The following LTBP1 variants were observed in gnomAD, a reference collection of about 807,000 sequenced individuals.
LTBP1 encodes latent-transforming growth factor beta-binding protein 1.
LTBP1 carries 129 observed loss-of-function variants against 207.6 expected under a neutral mutation model. The observed-to-expected ratio is 0.62, with a 90% CI of 0.54 to 0.72. The LOEUF (loss-of-function observed/expected upper bound fraction) is 0.72, where lower values mean the gene tolerates loss of function less well. Ranked by LOEUF, LTBP1 falls within the 30% of genes least tolerant of loss-of-function variation. The pLI, the probability that LTBP1 is intolerant of heterozygous loss-of-function variation, is 0.00. For missense variants in LTBP1, 2,281 were observed against 2,217.2 expected, an observed-to-expected ratio of 1.03 and a Z score of -0.58; for synonymous variants, 963 against 833.7, an observed-to-expected ratio of 1.16 and a Z score of -2.67.
At chr2:33,214,826 T>G (rs1237011830) in intron 7 of LTBP1, among the ~76,000 whole-genome samples, 1 of 152,016 alleles carries the variant, frequency 6.6e-6, no homozygotes, top group Non-Finnish European at 1.5e-5. Flanking sequence ...ACACTAGGGC[T>G]TTTTTCAGTG....
chr2:33,127,926 G>A (rs2081532330), intron 4 of LTBP1, among the ~76,000 whole-genome samples: 1 of 152,204 alleles, frequency 6.6e-6, no homozygotes. Context: ...ACATGGAGAT[G>A]TGGTGGGAGG....
At chr2:33,337,488 A>G (rs1171251168) in intron 24 of LTBP1, among the ~76,000 whole-genome samples, 2 of 152,200 alleles carry the variant, frequency 1.3e-5, no homozygotes, top group Non-Finnish European at 2.9e-5. Context: ...TGGTTTGCAT[A>G]ATTCTTTCTT....
intron 3 of LTBP1, among the ~76,000 whole-genome samples, chr2:33,036,419 T>C (rs2075922483): frequency 6.6e-6 from 1 of 152,182 alleles, no homozygotes; most frequent in South Asian, 2.1e-4. Flanking sequence ...CTGGGTTGTT[T>C]TTAGTGTTTT....
chr2:33,015,529 C>G (rs1455146346), intron 2 of LTBP1, among the ~76,000 whole-genome samples: 1 of 151,720 alleles, frequency 6.6e-6, no homozygotes, highest in Non-Finnish European at 1.5e-5. Flanking sequence ...CAGCTTATAA[C>G]CTAGTTGGCA....
intron 10 of LTBP1, among the ~76,000 whole-genome samples, chr2:33,251,844 G>C (rs1162396269): frequency 6.6e-6 from 1 of 152,038 alleles, no homozygotes; most frequent in Non-Finnish European, 1.5e-5. Context: ...TGGTTCTGTA[G>C]AATACACTCC....
intron 12 of LTBP1, among the ~76,000 whole-genome samples, chr2:33,259,307 T>C (rs1401430769): frequency 6.6e-6 from 1 of 152,236 alleles, no homozygotes; most frequent in Non-Finnish European, 1.5e-5. Context: ...CCAGAAAGTA[T>C]TGCCTTCTTC....
intron 3 of LTBP1, among the ~76,000 whole-genome samples, chr2:33,041,247 G>T (rs114088078): frequency 0.017 from 2,615 of 152,026 alleles, 24 homozygotes; most frequent in Middle Eastern, 0.031. Flanking sequence ...TAGCTAGATG[G>T]CTATCTAAAG....
rs114212609 is a variant in LTBP1 at position 33,229,776 on chromosome 2, C to T, written c.1876+7625C>T. Among the ~76,000 whole-genome samples the T allele has an allele frequency of 7.1e-3, 1,080 of 152,236 alleles. 9 individuals are homozygous for T. The highest frequency in any genetic ancestry group is 0.024 in the African/African-American group (991 of 41,530). ...TTAGATGGTTCTGCCTTAGTCAATT[C>T]GCTGATGGTCTACTGGTAACACCAA... is the stretch of plus-strand genomic sequence containing the variant. On this transcript the variant is annotated intron_variant, in intron 9 of 33. Coordinates refer to ENST00000404816, the MANE Select transcript of LTBP1 (RefSeq NM_206943.4).
At chr2:33,393,201 C>T (rs1303253795) in intron 32 of LTBP1, among the ~76,000 whole-genome samples, 1 of 150,280 alleles carries the variant, frequency 6.7e-6, no homozygotes, top group Non-Finnish European at 1.5e-5. Context: ...CCTCCTCCCA[C>T]CCTCCACTAG....
rs145383584 is a variant in LTBP1, at chr2:33,354,987, T to G, written c.4001-5610T>G. Among the ~76,000 whole-genome samples, 1,430 of 152,264 alleles carry G rather than the reference T, an allele frequency of 9.4e-3. 9 individuals carry two copies. Among genetic ancestry groups the G allele is most frequent in the Non-Finnish European group, 0.015 (990 of 68,018 alleles). On this transcript the variant is annotated intron_variant, in intron 26 of 33. Transcript: ENST00000404816. ...GTTTTATCTTCTTAATACTACAAGA[T>G]ATACTCACACTGTTGCATTAGAAAT...
intron 2 of LTBP1, among the ~76,000 whole-genome samples, chr2:32,959,714 G>C (rs1467551919): frequency 6.9e-6 from 1 of 145,378 alleles, no homozygotes; most frequent in Non-Finnish European, 1.5e-5. Context: ...TCCGCCTCTT[G>C]GGTTCCAGCG....
rs114077312 is a variant in LTBP1, at chr2:33,076,501, G to A, written c.864-34081G>A. ...GGAAGAAAACCTAATGACTGTTAGC[G>A]AGGGAGGGGGTATCATGAATTATGT... On this transcript the variant is annotated intron_variant, in intron 3 of 33. Coordinates refer to ENST00000404816, the MANE Select transcript of LTBP1 (RefSeq NM_206943.4). 7.3e-3 allele frequency among the ~76,000 whole-genome samples: 1,110 copies of A among 152,018 alleles called. 13 individuals carry two copies. Among genetic ancestry groups the A allele is most frequent in the African/African-American group, 0.025 (1,027 of 41,458 alleles).
At chr2:33,366,083 C>T (rs1163112904) in intron 31 of LTBP1, among the ~76,000 whole-genome samples, 1 of 152,228 alleles carries the variant, frequency 6.6e-6, no homozygotes, top group Non-Finnish European at 1.5e-5. Context: ...ACAGGCTAAG[C>T]TCCCAGTTTC....
chr2:33,332,418 ACT>A (rs2149495781), intron 24 of LTBP1, among the ~76,000 whole-genome samples: 2 of 149,300 alleles, frequency 1.3e-5, no homozygotes, highest in Admixed American at 1.3e-4. Flanking sequence ...AGACAGAGAC[ACT>A]CTCATTATAG....
intron 9 of LTBP1, among the ~76,000 whole-genome samples, chr2:33,237,903 TC>T (rs2092124303): frequency 6.6e-6 from 1 of 152,140 alleles, no homozygotes; most frequent in African/African-American, 2.4e-5. Context: ...GCAGATGACT[TC>T]AAAAAGAAAC....
At chr2:33,140,556 G>A (rs1433295078) in intron 5 of LTBP1, among the ~76,000 whole-genome samples, 1 of 151,960 alleles carries the variant, frequency 6.6e-6, no homozygotes, top group Non-Finnish European at 1.5e-5. Flanking sequence ...ACTTATCAAA[G>A]AAACCACTTC....
At chr2:33,386,583 G>A (rs985099756) in intron 31 of LTBP1, among the ~76,000 whole-genome samples, 1 of 152,146 alleles carries the variant, frequency 6.6e-6, no homozygotes, top group South Asian at 2.1e-4. Flanking sequence ...CCAGCACTTA[G>A]GGAGGCCAAG....
intron 3 of LTBP1, among the ~76,000 whole-genome samples, chr2:33,095,601 TAAAAC>T (rs1336304755): frequency 6.6e-6 from 1 of 152,022 alleles, no homozygotes; most frequent in Non-Finnish European, 1.5e-5. Context: ...AGAGAAGAGA[TAAAAC>T]AATCAGTAGA....
At chr2:33,337,941 T>A (rs897786816) in intron 24 of LTBP1, among the ~76,000 whole-genome samples, 1 of 152,244 alleles carries the variant, frequency 6.6e-6, no homozygotes, top group African/African-American at 2.4e-5. Context: ...TAGCAGTTCT[T>A]TTCATTGTAT....
Sources: gnomAD v4.1 joint callset for allele counts (sites outside exome capture counted in the v4.1 genomes callset) on GRCh38, gnomAD v4.1.1 for gene constraint, MANE v1.5 for transcripts, NCBI Gene and HGNC (gene_info 2026-07-23, HGNC 2026-07-21) for gene names.